The following SAMM50 variants were observed in gnomAD, a reference collection of about 807,000 sequenced individuals.
The protein encoded by SAMM50 is SAMM50 sorting and assembly machinery component, also known as sorting and assembly machinery component 50 homolog.
SAMM50 carries 47 observed loss-of-function variants against 66.9 expected under a neutral mutation model. That is an observed-to-expected ratio of 0.70 (90% CI 0.56 to 0.90). SAMM50 has a LOEUF of 0.90. SAMM50 is among the 40% of genes least tolerant of loss of function. The pLI, the probability that SAMM50 is intolerant of heterozygous loss-of-function variation, is 0.00. For synonymous variants in SAMM50, 191 were observed against 214.1 expected (o/e 0.89, Z 0.94); for missense variants, 535 against 595.3 (o/e 0.90, Z 1.05).
intron 14 of SAMM50, among the ~76,000 whole-genome samples, chr22:43,991,982 A>G (rs887016286): frequency 6.6e-5 from 10 of 152,246 alleles, no homozygotes; most frequent in African/African-American, 2.2e-4. Flanking sequence ...TTGTGGGGAC[A>G]TGAATGTTCA....
chr22:43,963,950 C>T (rs566500052), intron 2 of SAMM50, among the ~76,000 whole-genome samples: 47 of 150,244 alleles, frequency 3.1e-4, no homozygotes, highest in African/African-American at 9.8e-4. Flanking sequence ...CTCTGTCACC[C>T]AGGCTGGAGT....
At chr22:43,968,867 A>G (rs1218549069) in intron 4 of SAMM50, 49 bp downstream of exon 4, 16 of 1,376,770 alleles carry the variant, frequency 1.2e-5, no homozygotes, top group Non-Finnish European at 1.5e-5. Flanking sequence ...TGTCCATCAG[A>G]GAAAAGCTGT....
intron 3 of SAMM50, among the ~76,000 whole-genome samples, chr22:43,966,508 C>G (rs1181840005): frequency 6.6e-6 from 1 of 152,128 alleles, no homozygotes; most frequent in Non-Finnish European, 1.5e-5. Context: ...CAGGTGCACA[C>G]CACCACACCC....
In SAMM50 at chr22:43,964,434, T is replaced by A; in HGVS notation, c.133-18T>A. ...TTGCCTCATGTCATCCCTAATACTG[T>A]CCCTGTGTGACTTTTAGGTGGTTGT... On this transcript the variant is annotated intron_variant, in intron 2 of 14. Transcript: ENST00000350028. 1 of 1,392,448 alleles carries A rather than the reference T, an allele frequency of 7.2e-7. No homozygotes were observed. Among genetic ancestry groups the A allele is most frequent in the Non-Finnish European group, 1.0e-6 (1 of 978,542 alleles). 86.3% of individuals were successfully genotyped at this position (1,392,448 alleles called of 1,614,324 possible).
chr22:43,979,141 G>A (rs746171724), intron 10 of SAMM50, among the ~76,000 whole-genome samples: 20 of 152,152 alleles, frequency 1.3e-4, no homozygotes, highest in East Asian at 7.7e-4. Context: ...TCTTCTCAGG[G>A]CCCTTTCTGC....
Position 43,982,705 on chromosome 22 carries a change from G to A in SAMM50, c.1008-1228G>A, listed in dbSNP as rs544310392. Among the ~76,000 whole-genome samples, 5 of 152,224 alleles carry A rather than the reference G, an allele frequency of 3.3e-5. No individual in the cohort carries two copies. The East Asian group carries it at 5.8e-4, about 18-fold the overall frequency. ...GGCTGGAGTGCAGTGGCACGATCTC[G>A]ACTTACTACAACCTCTACCTCCCGG... On this transcript the variant is annotated intron_variant, in intron 11 of 14. Coordinates refer to ENST00000350028, the MANE Select transcript of SAMM50 (RefSeq NM_015380.5).
At chr22:43,987,780 T>C (rs2146826322) in intron 12 of SAMM50, 1 of 152,260 alleles carries the variant, frequency 6.6e-6, no homozygotes, top group South Asian at 2.1e-4. Flanking sequence ...GATCATTAAA[T>C]ATTGGTCCAC....
chr22:43,961,672 A>C (rs2050147793), intron 1 of SAMM50, among the ~76,000 whole-genome samples: 1 of 152,210 alleles, frequency 6.6e-6, no homozygotes, highest in South Asian at 2.1e-4. Context: ...GGCTGGTCTC[A>C]AACTACTGAC....
intron 9 of SAMM50, 78 bp downstream of exon 9, chr22:43,976,899 G>C: frequency 2.3e-6 from 2 of 880,676 alleles, no homozygotes; most frequent in Non-Finnish European, 3.6e-6. Flanking sequence ...CCGGTGGGCT[G>C]GGTGGGCCTG....
chr22:43,984,256 G>C (rs1448271337), intron 12 of SAMM50, among the ~76,000 whole-genome samples: 1 of 152,080 alleles, frequency 6.6e-6, no homozygotes, highest in Non-Finnish European at 1.5e-5. Flanking sequence ...ATGTGTAAAC[G>C]TGTTGTTGTC....
intron 14 of SAMM50, among the ~76,000 whole-genome samples, chr22:43,995,719 C>T (rs2050349829): frequency 1.3e-5 from 2 of 152,216 alleles, no homozygotes; most frequent in African/African-American, 4.8e-5. Context: ...CTTTGCTCCT[C>T]TCTGAAAATG....
intron 10 of SAMM50, among the ~76,000 whole-genome samples, chr22:43,980,159 T>C (rs1296913016): frequency 3.6e-4 from 5 of 14,068 alleles, no homozygotes; most frequent in Admixed American, 8.3e-4. Flanking sequence ...CATCCATCCA[T>C]CCATTCACCC....
At chr22:43,976,350 G>A (rs971591238) in intron 8 of SAMM50, among the ~76,000 whole-genome samples, 167 bp downstream of exon 8, 10 of 152,212 alleles carry the variant, frequency 6.6e-5, no homozygotes, top group East Asian at 1.9e-4. Flanking sequence ...CCTGCCTCGC[G>A]TGGTCCTTTC....
At chr22:43,961,358 C>A (rs1280471180) in intron 1 of SAMM50, among the ~76,000 whole-genome samples, 2 of 152,186 alleles carry the variant, frequency 1.3e-5, no homozygotes, top group Middle Eastern at 3.4e-3. Context: ...GTCCCAGAGA[C>A]TTATGGTCAA....
At chr22:43,984,041 G>T (rs772105120) in intron 12 of SAMM50, 41 bp downstream of exon 12, 2 of 1,561,212 alleles carry the variant, frequency 1.3e-6, no homozygotes, top group Non-Finnish European at 1.7e-6. Flanking sequence ...TAGAAGGCTC[G>T]CGTCTCACTT....
intron 4 of SAMM50, among the ~76,000 whole-genome samples, chr22:43,969,352 G>C (rs6006594): frequency 0.64 from 97,874 of 152,122 alleles, 32,340 homozygotes; most frequent in East Asian, 0.83. Flanking sequence ...GCACGTCTCT[G>C]AACATTTATT....
At chr22:43,989,970 G>A (rs189166981) in intron 13 of SAMM50, among the ~76,000 whole-genome samples, 1 of 152,266 alleles carries the variant, frequency 6.6e-6, no homozygotes, top group Admixed American at 6.5e-5. Context: ...ACTCAGAGTG[G>A]GGCTTCCCAG....
chr22:43,978,064 G>C (rs533495734), intron 10 of SAMM50, 106 bp downstream of exon 10: 1 of 730,832 alleles, frequency 1.4e-6, no homozygotes, highest in African/African-American at 1.8e-5. Context: ...TGGAAGCCTG[G>C]GCGGTAATGC....
At chr22:43,989,331 G>C in intron 13 of SAMM50, 74 bp downstream of exon 13, 1 of 1,375,590 alleles carries the variant, frequency 7.3e-7, no homozygotes, top group Admixed American at 2.3e-5. Flanking sequence ...ACACAAAGAG[G>C]TGTCTGTCTT....
Sources: gnomAD v4.1 joint callset for allele counts (sites outside exome capture counted in the v4.1 genomes callset) on GRCh38, gnomAD v4.1.1 for gene constraint, MANE v1.5 for transcripts, NCBI Gene and HGNC (gene_info 2026-07-23, HGNC 2026-07-21) for gene names.